ATP2B1: variants seen among roughly 807,000 people sequenced by gnomAD.
ATP2B1 encodes the protein plasma membrane calcium-transporting ATPase 1.
In ATP2B1, 14 loss-of-function variants were observed where a neutral mutation model predicts 124.2. The ratio of observed to expected loss-of-function variants is 0.11; its 90% CI spans 0.07 to 0.18. The LOEUF (loss-of-function observed/expected upper bound fraction) is 0.18, where lower values mean the gene tolerates loss of function less well. Among genes scored for constraint, ATP2B1 ranks in the 10% least tolerant of loss-of-function variants. The probability of loss-of-function intolerance (pLI) is 1.00; values close to 1 mark genes in which losing one functional copy is unlikely to be tolerated. For missense variants in ATP2B1, 763 were observed against 1,466.1 expected, an observed-to-expected ratio of 0.52 and a Z score of 7.83; for synonymous variants, 449 against 492.4, an observed-to-expected ratio of 0.91 and a Z score of 1.17.
intron 19 of ATP2B1, among the ~76,000 whole-genome samples, chr12:89,600,309 T>C (rs1875536290): frequency 1.3e-5 from 2 of 152,328 alleles, no homozygotes; most frequent in South Asian, 4.1e-4. Context: ...GCAAATTATA[T>C]GCCATAATAT....
At chr12:89,598,171 T>C (rs560714649) in intron 20 of ATP2B1, among the ~76,000 whole-genome samples, 3 of 151,846 alleles carry the variant, frequency 2.0e-5, no homozygotes, top group Non-Finnish European at 4.4e-5. Context: ...AAAGTCAAAA[T>C]GCTAAATTTA....
At chr12:89,664,584 T>C (rs1887075604) in intron 1 of ATP2B1, among the ~76,000 whole-genome samples, 1 of 152,234 alleles carries the variant, frequency 6.6e-6, no homozygotes, top group Admixed American at 6.5e-5. Context: ...TAGTGGTTCT[T>C]AAACTTCAGC....
chr12:89,699,330 C>T (rs1478021808), intron 1 of ATP2B1, among the ~76,000 whole-genome samples: 2 of 152,180 alleles, frequency 1.3e-5, no homozygotes, highest in East Asian at 3.8e-4. Context: ...TAATATGCCA[C>T]TTGTTTAACT....
rs117909687 is a variant in ATP2B1, at chr12:89,631,913, G to A, written c.788-1268C>T. ...CCCAAAGTGCTGGAATTACAGGTGC[G>A]AGTCACCGTGCTCGGCCTGAAGGTT... is the stretch of plus-strand genomic sequence containing the variant. On this transcript the variant is annotated intron_variant, in intron 5 of 20. Transcript: ENST00000428670. Among the ~76,000 whole-genome samples, 212 of 151,822 alleles carry A rather than the reference G, an allele frequency of 1.4e-3. 3 individuals are homozygous for A. The East Asian group carries it at 0.019, about 14-fold the overall frequency.
chr12:89,709,106 G>C (rs1337038801), upstream of ATP2B1: 2 of 150,792 alleles, frequency 1.3e-5, no homozygotes, highest in African/African-American at 2.4e-5. Context: ...CGCGGGCACC[G>C]GAGAGCGGAC....
At chr12:89,627,181 C>A (rs1344705864) in intron 7 of ATP2B1, among the ~76,000 whole-genome samples, 2 of 152,118 alleles carry the variant, frequency 1.3e-5, no homozygotes, top group African/African-American at 4.8e-5. Flanking sequence ...TTTTTGAGCA[C>A]TGACATGACA....
At chr12:89,604,384 T>C in intron 15 of ATP2B1, 38 bp from the exon 16 acceptor site, 1 of 1,498,254 alleles carries the variant, frequency 6.7e-7, no homozygotes, top group Non-Finnish European at 9.0e-7. Flanking sequence ...CTAAATGTTT[T>C]AAGTATAACT....
chr12:89,665,639 C>T (rs978117260), intron 1 of ATP2B1, among the ~76,000 whole-genome samples: 1 of 152,166 alleles, frequency 6.6e-6, no homozygotes, highest in South Asian at 2.1e-4. Flanking sequence ...CTATCATTTT[C>T]CAGTCTCACT....
intron 8 of ATP2B1, among the ~76,000 whole-genome samples, chr12:89,625,401 C>T (rs57481061): frequency 6.6e-6 from 1 of 151,648 alleles, no homozygotes; most frequent in African/African-American, 2.4e-5. Context: ...CTGGCCAACA[C>T]GGTGAAACCC....
chr12:89,684,412 G>T (rs1258389862), intron 1 of ATP2B1, among the ~76,000 whole-genome samples: 2 of 152,052 alleles, frequency 1.3e-5, no homozygotes, highest in Admixed American at 6.6e-5. Flanking sequence ...TGGGATGAGG[G>T]GAAGGCAAGG....
At chr12:89,629,943 T>C (rs567216500) in intron 6 of ATP2B1, among the ~76,000 whole-genome samples, 1 of 152,312 alleles carries the variant, frequency 6.6e-6, no homozygotes, top group African/African-American at 2.4e-5. Context: ...AAATGGTATG[T>C]ATGATTATCA....
At chr12:89,608,074 G>A (rs994641110) in intron 15 of ATP2B1, among the ~76,000 whole-genome samples, 1 of 151,970 alleles carries the variant, frequency 6.6e-6, no homozygotes, top group African/African-American at 2.4e-5. Context: ...AGTTTTAACT[G>A]TACAAATGCA....
At chr12:89,660,359 G>A (rs1302559964) in intron 1 of ATP2B1, among the ~76,000 whole-genome samples, 1 of 152,178 alleles carries the variant, frequency 6.6e-6, no homozygotes, top group East Asian at 1.9e-4. Context: ...TGGTATAGAA[G>A]TATGGCCTCT....
chr12:89,613,342 A>G (rs1319307898), intron 12 of ATP2B1, among the ~76,000 whole-genome samples: 1 of 152,192 alleles, frequency 6.6e-6, no homozygotes, highest in South Asian at 2.1e-4. Flanking sequence ...ATACATATTT[A>G]TCTATAAGTT....
chr12:89,616,769 T>C (rs764699420), intron 12 of ATP2B1, 33 bp downstream of exon 12: 1 of 1,581,550 alleles, frequency 6.3e-7, no homozygotes, highest in Admixed American at 1.7e-5. Flanking sequence ...GTTATGAGAT[T>C]CTGCACATGC....
At chr12:89,638,251 T>C (rs1365910017) in intron 3 of ATP2B1, among the ~76,000 whole-genome samples, 1 of 152,198 alleles carries the variant, frequency 6.6e-6, no homozygotes, top group Non-Finnish European at 1.5e-5. Flanking sequence ...TGTAAATATA[T>C]TCAACTGAGA....
At position 89,627,696 on chromosome 12, in the gene ATP2B1, T is replaced by C; in HGVS notation, c.949A>G (p.Ile317Val). 6.2e-7 allele frequency: 1 copy of C among 1,613,990 alleles called. No individual in the cohort carries two copies. The highest frequency in any genetic ancestry group is 8.5e-7 in the Non-Finnish European group (1 of 1,179,950). ...AATTTACCTTTGTTGCGATTCTCAATAGCTCCATCTTGTTTCTTATCTGTA... is the reference window on the plus strand; with the variant it reads ...AATTTACCTTTGTTGCGATTCTCAACAGCTCCATCTTGTTTCTTATCTGTA... ...EKKNKKQDGAIENRNKAKAQD... is the reference protein window; with the variant it reads ...EKKNKKQDGAVENRNKAKAQD... Residue 317 changes from isoleucine to valine, a missense_variant, in exon 7 of 21, where the codon ATT (isoleucine) becomes GTT (valine). Coordinates refer to ENST00000428670, the MANE Select transcript of ATP2B1 (RefSeq NM_001366521.1).
At chr12:89,698,334 C>A (rs977135019) in intron 1 of ATP2B1, among the ~76,000 whole-genome samples, 5 of 152,170 alleles carry the variant, frequency 3.3e-5, no homozygotes, top group African/African-American at 1.2e-4. Context: ...CTAATATACA[C>A]AACATGGATG....
chr12:89,687,140 T>A (rs760899344), intron 1 of ATP2B1, among the ~76,000 whole-genome samples: 1 of 152,096 alleles, frequency 6.6e-6, no homozygotes, highest in Non-Finnish European at 1.5e-5. Flanking sequence ...CTAGAGATGA[T>A]TAAAGTACAG....
Sources: allele counts gnomAD v4.1 joint callset (sites outside exome capture counted in the v4.1 genomes callset), GRCh38; gene constraint gnomAD v4.1.1; transcripts MANE v1.5; gene names NCBI Gene and HGNC (gene_info 2026-07-23, HGNC 2026-07-21).